Variants in AKAP9 observed in about 807,000 individuals in gnomAD.
AKAP9 encodes the protein A-kinase anchoring protein 9.
In AKAP9, 311 loss-of-function variants were observed where a neutral mutation model predicts 488.5. The ratio of observed to expected loss-of-function variants is 0.64; its 90% CI spans 0.58 to 0.70. AKAP9 has a LOEUF of 0.70. AKAP9 is among the 30% of genes least tolerant of loss of function. AKAP9 has a pLI of 0.00. For missense variants in AKAP9, 4,215 were observed against 4,374.5 expected, an observed-to-expected ratio of 0.96 and a Z score of 1.03; for synonymous variants, 1,462 against 1,483.5, an observed-to-expected ratio of 0.99 and a Z score of 0.33.
At chr7:92,005,065 A>G (rs569440021) in intron 8 of AKAP9, among the ~76,000 whole-genome samples, 5 of 152,128 alleles carry the variant, frequency 3.3e-5, no homozygotes, top group Admixed American at 6.5e-5. Context: ...TTCTGCATCT[A>G]TTGAGATAAT....
At chr7:91,954,359 A>T (rs535614145) in intron 1 of AKAP9, among the ~76,000 whole-genome samples, 1 of 152,220 alleles carries the variant, frequency 6.6e-6, no homozygotes, top group Admixed American at 6.5e-5. Context: ...ATCATTACTC[A>T]CTGCAGCCTC....
At chr7:92,030,657 A>G (rs939384409) in intron 15 of AKAP9, among the ~76,000 whole-genome samples, 1 of 150,972 alleles carries the variant, frequency 6.6e-6, no homozygotes, top group African/African-American at 2.4e-5. Flanking sequence ...AAAAAAAAAA[A>G]GGGTTTAGGA....
intron 31 of AKAP9, 68 bp from the exon 32 acceptor site, chr7:92,082,454 A>G: frequency 3.2e-6 from 5 of 1,538,768 alleles, no homozygotes; most frequent in South Asian, 2.3e-5. Flanking sequence ...ATTAGAATGT[A>G]TAAGAGCCTT....
intron 14 of AKAP9, among the ~76,000 whole-genome samples, chr7:92,024,236 C>T (rs1802743928): frequency 6.6e-6 from 1 of 151,322 alleles, no homozygotes. Flanking sequence ...ATATGGCAAA[C>T]CTCCATCTCT....
intron 3 of AKAP9, among the ~76,000 whole-genome samples, chr7:91,985,377 G>C (rs973459368): frequency 1.3e-5 from 2 of 152,026 alleles, no homozygotes; most frequent in Non-Finnish European, 2.9e-5. Flanking sequence ...ATAATCATGT[G>C]GTTTTTGTCT....
Position 92,102,790 on chromosome 7 carries a change from T to A in AKAP9, c.11294T>A (p.Phe3765Tyr), listed in dbSNP as rs771234171. 3.7e-6 allele frequency: 6 copies of A among 1,614,174 alleles called. No individual in the cohort carries two copies. The South Asian group carries it at 6.6e-5, about 18-fold the overall frequency. Residue 3765 changes from phenylalanine to tyrosine, a missense_variant, in exon 46 of 50, where the codon TTT becomes TAT. By Grantham distance (22) the Phe-to-Tyr change is conservative. Transcript: ENST00000356239. ...ITNRPKGFTR[F>Y]RSAVRVSIAI... ...AATCGCCCAAAGGGCTTCACCAGGTTTCGGTCGGCCGTCAGAGTATCCATT... is the reference window on the plus strand; with the variant it reads ...AATCGCCCAAAGGGCTTCACCAGGTATCGGTCGGCCGTCAGAGTATCCATT...
At position 92,002,581 on chromosome 7, in the gene AKAP9, G is replaced by A; in HGVS notation, c.2664G>A (p.Glu888=). ...LEDSKNKQEL[E]YKSKLKALNE... ...ACAGTAAAAATAAACAGGAATTAGAGTATAAAAGTAAACTTAAAGCACTTA... is the reference window on the plus strand; with the variant it reads ...ACAGTAAAAATAAACAGGAATTAGAATATAAAAGTAAACTTAAAGCACTTA... Residue 888 remains glutamate (E), a synonymous_variant, in exon 8 of 50, where the codon GAG becomes GAA. Coordinates refer to ENST00000356239, the MANE Select transcript of AKAP9 (RefSeq NM_005751.5). 1 of 1,610,000 alleles carries A rather than the reference G, an allele frequency of 6.2e-7. No individual in the cohort carries two copies. The highest frequency in any genetic ancestry group is 1.7e-4 in the Middle Eastern group (1 of 6,046).
intron 40 of AKAP9, 92 bp downstream of exon 40, chr7:92,095,265 A>C (rs1479550647): frequency 2.9e-6 from 4 of 1,394,164 alleles, no homozygotes; most frequent in Non-Finnish European, 4.0e-6. Context: ...TCAACCTTAG[A>C]CTTCTTAATA....
Position 92,065,340 on chromosome 7 carries a change from T to G in AKAP9, c.6087T>G (p.Asp2029Glu), listed in dbSNP as rs771793410. 1.9e-6 allele frequency: 3 copies of G among 1,612,992 alleles called. No individual in the cohort carries two copies. The Admixed American group carries it at 5.0e-5, about 27-fold the overall frequency. Residue 2029 changes from aspartate (D) to glutamate (E), a missense_variant, in exon 25 of 50, where the codon GAT becomes GAG. Physicochemically the swap from Asp to Glu is conservative, Grantham distance 45. Coordinates refer to ENST00000356239, the MANE Select transcript of AKAP9 (RefSeq NM_005751.5). ...LQKQVKALEI[D>E]VEEQVSRFIE... ...AACAAGTGAAAGCTCTAGAAATAGA[T>G]GTGGAAGAACAAGTCAGTAGGTTTA...
intron 38 of AKAP9, 44 bp from the exon 39 acceptor site, chr7:92,093,053 G>T: frequency 6.7e-7 from 1 of 1,498,702 alleles, no homozygotes; most frequent in South Asian, 1.1e-5. Flanking sequence ...AACCAAATAT[G>T]AGTTGCTTGA....
At chr7:91,951,486 G>A (rs1045322899) in intron 1 of AKAP9, among the ~76,000 whole-genome samples, 1 of 151,926 alleles carries the variant, frequency 6.6e-6, no homozygotes, top group Non-Finnish European at 1.5e-5. Flanking sequence ...CACCATGCCT[G>A]GCTAATTTTT....
chr7:92,030,001 T>G lies in AKAP9; in HGVS notation c.4245+10T>G. The stretch of plus-strand genomic sequence containing the variant: ...TGATGGTACAATAGAGGTATTATAT[T>G]TTTAATTTTTATCTTTTAACTGTTA... On this transcript the variant is annotated intron_variant, in intron 15 of 49. Transcript: ENST00000356239. 1 of 1,550,718 alleles carries G rather than the reference T, an allele frequency of 6.4e-7. No individual in the cohort carries two copies. The highest frequency in any genetic ancestry group is 8.9e-7 in the Non-Finnish European group (1 of 1,125,702).
chr7:91,980,495 C>CTTTTTTTTTTTTTTTTGTTTTTTT (rs1796261817), intron 3 of AKAP9, among the ~76,000 whole-genome samples, 162 bp downstream of exon 3: 1 of 48,756 alleles, frequency 2.1e-5, no homozygotes, highest in Admixed American at 4.0e-4. Context: ...GTATTACTGA[C>CTTTTTTTTTTTTTTTTGTTTTTTT]TTTTTTTTTT....
At chr7:92,101,319 G>A (rs952375359) in intron 45 of AKAP9, among the ~76,000 whole-genome samples, 4 of 152,022 alleles carry the variant, frequency 2.6e-5, no homozygotes, top group African/African-American at 7.2e-5. Context: ...GCGGGTGCCT[G>A]TAGTCCCAGC....
chr7:92,014,842 A>C (rs1562983648), intron 10 of AKAP9, among the ~76,000 whole-genome samples: 1 of 152,168 alleles, frequency 6.6e-6, no homozygotes, highest in Non-Finnish European at 1.5e-5. Context: ...ATTCAGGTAA[A>C]TTATCTCGCC....
In AKAP9 at chr7:92,083,626, G is replaced by T; in HGVS notation, c.8617G>T (p.Ala2873Ser). The change falls in exon 33 of 50, where the codon GCA (alanine) becomes TCA (serine). Residue 2873 changes from alanine (A) to serine (S), a missense_variant. Around this residue, in one of 5 missense-constraint regions of AKAP9, gnomAD observed 1,476 missense variants for 1,477.4 expected, o/e 1.00. Transcript: ENST00000356239. ...GAAAGAGGAATGTGGTACCTTGAAG[G>T]CAGTGATACAGTGTCTGAGAAGTAA... is the stretch of plus-strand genomic sequence containing the variant. ...LLKEECGTLK[A>S]VIQCLRSKEG... 1 of 1,609,716 alleles carries T rather than the reference G, an allele frequency of 6.2e-7. No individual in the cohort carries two copies.
intron 1 of AKAP9, among the ~76,000 whole-genome samples, chr7:91,961,248 C>T (rs1262579071): frequency 6.6e-6 from 1 of 151,968 alleles, no homozygotes; most frequent in East Asian, 2.0e-4. Context: ...TGACCTCCGC[C>T]TCCCGGGTTC....
At chr7:92,027,670 ATGTGAGGAGCGCCTCT>A (rs1563008456) in intron 14 of AKAP9, among the ~76,000 whole-genome samples, 4 of 145,558 alleles carry the variant, frequency 2.7e-5, no homozygotes, top group African/African-American at 1.0e-4. Flanking sequence ...CCCGTCTGGG[ATGTGAGGAGCGCCTCT>A]GCCTGGCCGC....
chr7:92,060,817 C>G (rs1284023201), intron 22 of AKAP9, among the ~76,000 whole-genome samples: 1 of 151,772 alleles, frequency 6.6e-6, no homozygotes, highest in African/African-American at 2.4e-5. Context: ...ATTATTGGTC[C>G]CCCACAGTAT....
Sources: gnomAD v4.1 joint callset for allele counts (sites outside exome capture counted in the v4.1 genomes callset) on GRCh38, gnomAD v4.1.1 for gene constraint, gnomAD v4.1.1 regional missense constraint, MANE v1.5 for transcripts, NCBI Gene and HGNC (gene_info 2026-07-23, HGNC 2026-07-21) for gene names.